The following OGT variants were observed in gnomAD, a reference collection of about 807,000 sequenced individuals.
OGT encodes the protein UDP-N-acetylglucosamine--peptide N-acetylglucosaminyltransferase 110 kDa subunit.
OGT carries 3 observed loss-of-function variants against 75.8 expected under a neutral mutation model. The observed-to-expected ratio is 0.04, with a 90% CI of 0.02 to 0.10. OGT has a LOEUF of 0.10. Among genes scored for constraint, OGT ranks in the 10% least tolerant of loss-of-function variants. The pLI is 1.00. For missense variants in OGT, 260 were observed against 824.4 expected, an observed-to-expected ratio of 0.32 and a Z score of 8.38; for synonymous variants, 257 against 289.7, an observed-to-expected ratio of 0.89 and a Z score of 1.15.
At chrX:71,572,761 T>C (rs1295917954) in intron 21 of OGT, among the ~76,000 whole-genome samples, 2 of 112,010 alleles carry the variant, frequency 1.8e-5, no homozygotes, top group Non-Finnish European at 3.8e-5. Flanking sequence ...AGTGAGACTC[T>C]ATTTCAAAAA....
At chrX:71,544,450 C>A in intron 3 of OGT, 117 bp from the exon 4 acceptor site, 1 of 648,169 alleles carries the variant, frequency 1.5e-6, no homozygotes, top group Admixed American at 3.1e-5. Flanking sequence ...GTTTGTCAGG[C>A]AGTATCTTTA....
Position 71,573,919 on chromosome X carries a change from G to A in OGT, c.*125G>A. 2.2e-6 allele frequency: 1 copy of A among 465,058 alleles called. No individual in the cohort carries two copies. The highest frequency in any genetic ancestry group is 4.1e-5 in the East Asian group (1 of 24,447). 38.3% of individuals were successfully genotyped at this position (465,058 alleles called of 1,213,427 possible). ...TGTTGCAGATGGGTGATATATAATG[G>A]TAATAGAATAGCACAGCCAGACTTG... On this transcript the variant is annotated 3_prime_UTR_variant, in exon 22 of 22. Coordinates refer to ENST00000373719, the MANE Select transcript of OGT (RefSeq NM_181672.3).
Position 71,575,002 on chromosome X carries a change from C to T in OGT, c.*1208C>T, listed in dbSNP as rs561722436. On this transcript the variant is annotated 3_prime_UTR_variant, in exon 22 of 22. Transcript: ENST00000373719. ...GTCTTGAAGTCTGTACAGATTCAGC[C>T]TCAGTAGTAGCGAACTGCACTGCTG... is the stretch of plus-strand genomic sequence containing the variant. The T allele has an allele frequency of 9.0e-6, 1 of 111,334 alleles. No individual in the cohort carries two copies. The highest frequency in any genetic ancestry group is 9.7e-5 in the Admixed American group (1 of 10,353). 9.2% of individuals were successfully genotyped at this position (111,334 alleles called of 1,213,427 possible).
At chrX:71,554,707 C>T (rs1023704440) in intron 6 of OGT, 115 bp downstream of exon 6, 15 of 529,901 alleles carry the variant, frequency 2.8e-5, no homozygotes, top group African/African-American at 1.1e-4. Context: ...TTTTCTAGCA[C>T]GTTGTTCTCT....
intron 3 of OGT, among the ~76,000 whole-genome samples, chrX:71,543,733 G>A (rs2040236650): frequency 1.1e-5 from 1 of 87,920 alleles, no homozygotes. Context: ...AAATATTTGA[G>A]ATGTGTGTGT....
intron 1 of OGT, among the ~76,000 whole-genome samples, chrX:71,534,765 A>G (rs773954856): frequency 8.9e-6 from 1 of 112,276 alleles, no homozygotes; most frequent in East Asian, 2.8e-4. Flanking sequence ...AATAGCAGAT[A>G]AGCGGCATTG....
intron 3 of OGT, among the ~76,000 whole-genome samples, chrX:71,539,281 A>G (rs904342452): frequency 3.5e-5 from 4 of 112,890 alleles, no homozygotes; most frequent in Admixed American, 1.9e-4. Context: ...ACTTCTCATG[A>G]TGATATCTAT....
At chrX:71,560,672 G>A (rs2040377254) in intron 14 of OGT, among the ~76,000 whole-genome samples, 1 of 111,816 alleles carries the variant, frequency 8.9e-6, no homozygotes, top group African/African-American at 3.3e-5. Flanking sequence ...TAAATAGTAT[G>A]TACTAACAAA....
intron 3 of OGT, among the ~76,000 whole-genome samples, chrX:71,540,304 G>A (rs2147669626): frequency 8.9e-6 from 1 of 112,288 alleles, no homozygotes; most frequent in East Asian, 2.8e-4. Flanking sequence ...GTTCAGTACT[G>A]GTAGAACCTT....
intron 6 of OGT, 56 bp from the exon 7 acceptor site, chrX:71,555,134 T>TG: frequency 5.5e-6 from 3 of 541,456 alleles, no homozygotes; most frequent in East Asian, 8.1e-5. Flanking sequence ...GAGTTACATT[T>TG]TGTGTGTGTG....
chrX:71,558,761 C>T (rs1265303542), intron 12 of OGT, among the ~76,000 whole-genome samples: 1 of 97,558 alleles, frequency 1.0e-5, no homozygotes, highest in African/African-American at 3.8e-5. Flanking sequence ...TAGATTTGCT[C>T]GTACTTTTTT....
intron 1 of OGT, among the ~76,000 whole-genome samples, chrX:71,534,581 G>A (rs1355535656): frequency 1.8e-5 from 2 of 110,939 alleles, no homozygotes; most frequent in Non-Finnish European, 3.8e-5. Flanking sequence ...TAGGTGAATC[G>A]TCAATAGTGT....
chrX:71,538,821 A>C (rs1242156205), intron 3 of OGT, among the ~76,000 whole-genome samples: 1 of 112,008 alleles, frequency 8.9e-6, no homozygotes, highest in Non-Finnish European at 1.9e-5. Context: ...CCCAAGTTAC[A>C]TTGTCAACAT....
At chrX:71,536,034 G>A (rs755846086) in intron 1 of OGT, 144 bp from the exon 2 acceptor site, 6 of 423,598 alleles carry the variant, frequency 1.4e-5, no homozygotes, top group Non-Finnish European at 2.3e-5. Flanking sequence ...TATACATAAC[G>A]TGCAGAACAC....
intron 1 of OGT, among the ~76,000 whole-genome samples, chrX:71,534,547 TC>T (rs892190135): frequency 9.0e-5 from 10 of 111,055 alleles, no homozygotes; most frequent in African/African-American, 3.3e-4. Context: ...TAGCTACTGT[TC>T]CTGGAAGTTG....
chrX:71,541,374 A>G (rs2040217922), intron 3 of OGT, among the ~76,000 whole-genome samples: 1 of 111,981 alleles, frequency 8.9e-6, no homozygotes. Flanking sequence ...GCTTTTTGTT[A>G]AGGTTGCTGT....
At chrX:71,564,852 A>G in intron 19 of OGT, 99 bp downstream of exon 19, 1 of 718,437 alleles carries the variant, frequency 1.4e-6, no homozygotes, top group Non-Finnish European at 2.0e-6. Flanking sequence ...TGTTCTGCTC[A>G]TTTCTTTTTA....
Position 71,564,654 on chromosome X carries a change from C to T in OGT, c.2490C>T (p.Thr830=). ...GEEVPRTIIV[T]TRSQYGLPED... ...AGGTTCCCCGTACCATTATTGTAACCACCCGTTCTCAGTACGGGTTACCAG... is the reference window on the plus strand; with the variant it reads ...AGGTTCCCCGTACCATTATTGTAACTACCCGTTCTCAGTACGGGTTACCAG... Residue 830 remains threonine (T), a synonymous_variant, in exon 19 of 22, where the codon ACC becomes ACT. Transcript: ENST00000373719. The T allele has an allele frequency of 1.7e-6, 2 of 1,193,903 alleles. No individual in the cohort carries two copies. The highest frequency in any genetic ancestry group is 2.3e-6 in the Non-Finnish European group (2 of 879,561).
chrX:71,556,229 G>A, intron 8 of OGT, 135 bp downstream of exon 8: 1 of 688,620 alleles, frequency 1.5e-6, no homozygotes, highest in Non-Finnish European at 2.2e-6. Flanking sequence ...AGTAACAATT[G>A]AGTACCTAAG....
Sources: allele counts gnomAD v4.1 joint callset (sites outside exome capture counted in the v4.1 genomes callset), GRCh38; gene constraint gnomAD v4.1.1; transcripts MANE v1.5; gene names NCBI Gene and HGNC (gene_info 2026-07-23, HGNC 2026-07-21).